PRPF8: variants seen among roughly 807,000 people sequenced by gnomAD.
PRPF8 encodes the protein pre-mRNA processing factor 8.
PRPF8 carries 64 observed loss-of-function variants against 285.9 expected under a neutral mutation model. That is an observed-to-expected ratio of 0.22 (90% CI 0.18 to 0.28). The LOEUF is 0.28. Ranked by LOEUF, PRPF8 falls within the 10% of genes least tolerant of loss-of-function variation. PRPF8 has a pLI of 1.00. For synonymous variants in PRPF8, 1,325 were observed against 1,118.2 expected (o/e 1.18, Z -3.69); for missense variants, 1,426 against 3,026.7 (o/e 0.47, Z 12.41).
At chr17:1,671,611 G>A (rs1912322022) in intron 24 of PRPF8, among the ~76,000 whole-genome samples, 1 of 152,062 alleles carries the variant, frequency 6.6e-6, no homozygotes, top group Non-Finnish European at 1.5e-5. Flanking sequence ...CAGTACTTTG[G>A]GAGGCTGAGG....
chr17:1,678,650 C>A lies in PRPF8; in HGVS notation c.1722G>T (p.Leu574=), dbSNP rs200278229. Residue 574 remains leucine, a splice_region_variant and synonymous_variant, in exon 13 of 43, where the codon CTG becomes CTT. Coordinates refer to ENST00000304992, the MANE Select transcript of PRPF8 (RefSeq NM_006445.4). The part of the protein sequence containing the change: ...YRLGNVDAFQ[L]ADGLQYIFAH... ...CAAATATATACTGCAATCCATCTGC[C>A]AGCTGCAATACAATTGCCCCATCAG... The A allele has an allele frequency of 1.1e-5, 17 of 1,614,230 alleles. No homozygotes were observed. The East Asian group carries it at 3.8e-4, about 36-fold the overall frequency.
chr17:1,654,381 G>A (rs912205808), intron 37 of PRPF8: 3 of 407,840 alleles, frequency 7.4e-6, no homozygotes, highest in Non-Finnish European at 9.2e-6. Flanking sequence ...GGATAATTTT[G>A]GTTGCCACGA....
In PRPF8 at chr17:1,683,717, A is replaced by G; in HGVS notation, c.101-16T>C. 1.9e-6 allele frequency: 3 copies of G among 1,613,322 alleles called. No homozygotes were observed. The highest frequency in any genetic ancestry group is 2.5e-6 in the Non-Finnish European group (3 of 1,179,948). ...CATTTTCGAGCTGGAAAGGCACCTC[A>G]GTTTAAAGGCCTGCACACCCTCCCC... On this transcript the variant is annotated splice_polypyrimidine_tract_variant and intron_variant, in intron 2 of 42. Coordinates refer to ENST00000304992, the MANE Select transcript of PRPF8 (RefSeq NM_006445.4).
rs1388414531 is a variant in PRPF8 at position 1,651,802 on chromosome 17, G to A, written c.6370-14C>T. On this transcript the variant is annotated splice_polypyrimidine_tract_variant and intron_variant, in intron 39 of 42. Coordinates refer to ENST00000304992, the MANE Select transcript of PRPF8 (RefSeq NM_006445.4). The surrounding 1 kb of genome is among the most constrained non-coding windows in gnomAD (Gnocchi z 5.1). ...GTATCCTGCAATCTGGAGACAAAGGGGTCAGGAACCAAAACTCTTCTTAGT... is the reference window on the plus strand; with the variant it reads ...GTATCCTGCAATCTGGAGACAAAGGAGTCAGGAACCAAAACTCTTCTTAGT... 2.5e-6 allele frequency: 4 copies of A among 1,613,816 alleles called. No individual in the cohort carries two copies. Among genetic ancestry groups the A allele is most frequent in the Non-Finnish European group, 3.4e-6 (4 of 1,179,848 alleles).
At chr17:1,667,293 T>C (rs60460011) in intron 24 of PRPF8, among the ~76,000 whole-genome samples, 30,364 of 152,136 alleles carry the variant, frequency 0.2, 6,625 homozygotes, top group African/African-American at 0.55. Flanking sequence ...ATGTGTGTAA[T>C]GGAACACAGT....
rs16950924 is a variant in PRPF8, at chr17:1,666,857, G to A, written c.3775-4704C>T. On this transcript the variant is annotated intron_variant, in intron 24 of 42. Transcript: ENST00000304992. ...GACTGAGCATCTCGCATGTCCACAG[G>A]ATGAGACAACCAGGCAGATCTACAG... 9.8e-3 allele frequency among the ~76,000 whole-genome samples: 1,487 copies of A among 152,104 alleles called. 27 individuals carry two copies. Among genetic ancestry groups the A allele is most frequent in the African/African-American group, 0.034 (1,406 of 41,500 alleles).
In PRPF8 at chr17:1,674,456, G is replaced by A. The variant is rs756935974; in HGVS notation, c.3285C>T (p.Ile1095=). 4.3e-6 allele frequency: 7 copies of A among 1,613,986 alleles called. No individual in the cohort carries two copies. The highest frequency in any genetic ancestry group is 1.7e-5 in the Admixed American group (1 of 59,990). The change falls in exon 21 of 43, where the codon ATC becomes ATT. Residue 1095 remains isoleucine, a synonymous_variant. Transcript: ENST00000304992. ...IRLFCRYIDR[I]HIFFRFTADE... is the part of the protein sequence containing the mutation. The stretch of plus-strand genomic sequence containing the variant: ...AAAGCCCTCACCTGAAAAAAATATG[G>A]ATGCGATCAATGTATCTGCAGAAGA...
chr17:1,671,942 G>GAGGATCACTTGAGCTGCAGTT (rs1912348082), intron 24 of PRPF8, among the ~76,000 whole-genome samples: 1 of 151,904 alleles, frequency 6.6e-6, no homozygotes. Context: ...GCTGAGGTGT[G>GAGGATCACTTGAGCTGCAGTT]AGGATCACTT....
At position 1,659,894 on chromosome 17, in the gene PRPF8, G is replaced by A. The variant is rs1911589422; in HGVS notation, c.4893C>T (p.Leu1631=). ...KMNSSCADIL[L]FASYKWNVSR... is the part of the protein sequence containing the mutation. ...AGACATTCCACTTATAGGAGGCAAA[G>A]AGCAGGATATCTGCACAGGAAGAGT... Residue 1631 remains leucine (L), a synonymous_variant, in exon 31 of 43, where the codon CTC becomes CTT. Coordinates refer to ENST00000304992, the MANE Select transcript of PRPF8 (RefSeq NM_006445.4). This position sits in a 1 kb window ranked among gnomAD's most constrained non-coding sequence, Gnocchi z 5.1. 4 of 1,614,190 alleles carry A rather than the reference G, an allele frequency of 2.5e-6. No homozygotes were observed. In the African/African-American group the frequency reaches 4.0e-5, roughly 16 times the overall value.
In PRPF8 at chr17:1,650,914, G is replaced by A. The variant is rs747942696; in HGVS notation, c.6896C>T (p.Ala2299Val). ...DPNMKYELQL[A>V]NPKEFYHEVH... The stretch of plus-strand genomic sequence containing the variant: ...CTCGTGGTAGAACTCTTTGGGGTTC[G>A]CCAGCTGTAGCTCATATTTCATGTT... The change falls in exon 43 of 43, where the codon GCG becomes GTG. Residue 2299 changes from alanine to valine, a missense_variant. This residue lies in a region of PRPF8 where 59 missense variants were observed against 58.6 expected (regional missense o/e 1.01). Transcript: ENST00000304992. 5.2e-5 allele frequency: 84 copies of A among 1,614,072 alleles called. No individual in the cohort carries two copies. The highest frequency in any genetic ancestry group is 6.3e-5 in the Non-Finnish European group (74 of 1,180,046).
rs543235865 is a variant in PRPF8, at chr17:1,678,444, T to C, written c.1854+74A>G. On this transcript the variant is annotated intron_variant, in intron 13 of 42. Transcript: ENST00000304992. ...GTTGCAGTGAGCCAAGATCGTGCCA[T>C]TGCACACCAGCCCAAGAGACAAGAG... 136 of 1,598,828 alleles carry C rather than the reference T, an allele frequency of 8.5e-5. No homozygotes were observed. The African/African-American group carries it at 1.6e-3, about 19-fold the overall frequency.
At position 1,683,523 on chromosome 17, in the gene PRPF8, T is replaced by C. The variant is rs747269543; in HGVS notation, c.269+10A>G. 12 of 1,613,990 alleles carry C rather than the reference T, an allele frequency of 7.4e-6. No homozygotes were observed. The highest frequency in any genetic ancestry group is 9.3e-6 in the Non-Finnish European group (11 of 1,179,938). ...AATTCCAAATGAAATTATTTCAGGA[T>C]GTTCCTTACCCCAAGTAAACCCTTT... On this transcript the variant is annotated intron_variant, in intron 3 of 42. Transcript: ENST00000304992.
intron 36 of PRPF8, 119 bp from the exon 37 acceptor site, chr17:1,655,662 T>A: frequency 1.1e-6 from 1 of 885,738 alleles, no homozygotes; most frequent in Non-Finnish European, 1.8e-6. Flanking sequence ...AGTCTTGCTC[T>A]GTCGCCCAGG....
Position 1,654,122 on chromosome 17 carries a change from C to T in PRPF8, c.5988-106G>A, listed in dbSNP as rs1277759407. On this transcript the variant is annotated intron_variant, in intron 37 of 42. Coordinates refer to ENST00000304992, the MANE Select transcript of PRPF8 (RefSeq NM_006445.4). The stretch of plus-strand genomic sequence containing the variant: ...TAGGACAGGACAGCCTATACTCACG[C>T]CCCAGACAATCCACAAGAGCTGCTT... The T allele has an allele frequency of 1.6e-5, 24 of 1,533,238 alleles. No individual in the cohort carries two copies. The Admixed American group carries it at 1.8e-4, about 12-fold the overall frequency. The allele number at this position is 1,533,238 out of a possible 1,614,324, so 95.0% of individuals were successfully genotyped here. A position where few individuals can be genotyped will look rare whatever the true frequency, so the allele number is the denominator to read the frequency against.
Position 1,653,186 on chromosome 17 carries a change from C to T in PRPF8, c.6369+356G>A, listed in dbSNP as rs1911177900. 2.5e-6 allele frequency: 1 copy of T among 408,104 alleles called. No homozygotes were observed. Among genetic ancestry groups the T allele is most frequent in the African/African-American group, 2.0e-5 (1 of 49,132 alleles). 25.3% of individuals were successfully genotyped at this position (408,104 alleles called of 1,614,324 possible). A position where few individuals can be genotyped will look rare whatever the true frequency, so the allele number is the denominator to read the frequency against. Reference sequence around the variant, plus strand: ...AACCCCTGACCTCAGGTGATCCACCCACCTAGGCCTCCCAAAGTGCTGGGA... The same window carrying T: ...AACCCCTGACCTCAGGTGATCCACCTACCTAGGCCTCCCAAAGTGCTGGGA... On this transcript the variant is annotated intron_variant, in intron 39 of 42. Transcript: ENST00000304992. This position sits in a 1 kb window ranked among gnomAD's most constrained non-coding sequence, Gnocchi z 4.9.
At position 1,679,961 on chromosome 17, in the gene PRPF8, C is replaced by T. The variant is rs558806752; in HGVS notation, c.1099-162G>A. Among the ~76,000 whole-genome samples, 4 of 152,290 alleles carry T rather than the reference C, an allele frequency of 2.6e-5. No homozygotes were observed. The South Asian group carries it at 8.3e-4, about 32-fold the overall frequency. On this transcript the variant is annotated intron_variant, in intron 8 of 42. Transcript: ENST00000304992. This position sits in a 1 kb window ranked among gnomAD's most constrained non-coding sequence, Gnocchi z 4.7. ...AGTGCCAGCACAAAGGAAACCAAGA[C>T]AGCAAAGAACAAGACAGGGCCACCA...
intron 37 of PRPF8, 134 bp downstream of exon 37, chr17:1,655,216 C>CCAAAGTGCTGGGATTACAGG: frequency 1.0e-6 from 1 of 999,542 alleles, no homozygotes; most frequent in Non-Finnish European, 1.5e-6. Context: ...CCTTGGCCTC[C>CCAAAGTGCTGGGATTACAGG]CAAAGTGCTG....
At position 1,655,536 on chromosome 17, in the gene PRPF8, G is replaced by A; in HGVS notation, c.5801C>T (p.Ser1934Phe). The change falls in exon 37 of 43, where the codon TCC (serine) becomes TTC (phenylalanine). Residue 1934 changes from serine (S) to phenylalanine (F), a missense_variant. Ser to Phe is a radical substitution (Grantham distance 155). Transcript: ENST00000304992. ...GGCACGCAGAATCAGGATGAGACGG[G>A]AGAAGGCCTGGGAAAAGATTTGGAA... The part of the protein sequence containing the change: ...LKTISSYTAF[S>F]RLILILRALH... 6.2e-7 allele frequency: 1 copy of A among 1,612,964 alleles called. No homozygotes were observed. Among genetic ancestry groups the A allele is most frequent in the Non-Finnish European group, 8.5e-7 (1 of 1,178,918 alleles).
rs2151110993 is a variant in PRPF8, at chr17:1,653,255, AGG to A, written c.6369+285_6369+286del. The A allele has an allele frequency of 5.5e-6, 3 of 547,074 alleles. No individual in the cohort carries two copies. In the Admixed American group the frequency reaches 8.9e-5, roughly 16 times the overall value. 33.9% of individuals were successfully genotyped at this position (547,074 alleles called of 1,614,324 possible). A position where few individuals can be genotyped will look rare whatever the true frequency, so the allele number is the denominator to read the frequency against. On this transcript the variant is annotated intron_variant, in intron 39 of 42. Transcript: ENST00000304992. This position sits in a 1 kb window ranked among gnomAD's most constrained non-coding sequence, Gnocchi z 4.9. The stretch of plus-strand genomic sequence containing the variant: ...GTGCCCAGCCGAGTGTTGGGATTAC[AGG>A]CATGAGCCAGCACGCACACCTGGTC...
Sources: allele counts gnomAD v4.1 joint callset (sites outside exome capture counted in the v4.1 genomes callset), GRCh38; gene constraint gnomAD v4.1.1; regional missense constraint gnomAD v4.1.1; non-coding constraint Gnocchi (gnomAD v3.1); transcripts MANE v1.5; gene names NCBI Gene and HGNC (gene_info 2026-07-23, HGNC 2026-07-21).